PALLD: variants seen among roughly 807,000 people sequenced by gnomAD.
The protein encoded by PALLD is palladin, cytoskeletal associated protein.
PALLD carries 61 observed loss-of-function variants against 123.5 expected under a neutral mutation model. That is an observed-to-expected ratio of 0.49 (90% CI 0.40 to 0.61). The LOEUF (loss-of-function observed/expected upper bound fraction) is 0.61, where lower values mean the gene tolerates loss of function less well. Among genes scored for constraint, PALLD ranks in the 20% least tolerant of loss-of-function variants. PALLD has a pLI of 0.00. For synonymous variants in PALLD, 465 were observed against 496.4 expected (o/e 0.94, Z 0.84); for missense variants, 1,273 against 1,377.0 (o/e 0.92, Z 1.20).
At chr4:168,827,209 T>C (rs1409380109) in intron 10 of PALLD, among the ~76,000 whole-genome samples, 1 of 152,236 alleles carries the variant, frequency 6.6e-6, no homozygotes, top group Non-Finnish European at 1.5e-5. Context: ...AGCCATAAAG[T>C]TATCTTTACC....
At chr4:168,855,089 CTTTTTT>C (rs11338063) in intron 10 of PALLD, among the ~76,000 whole-genome samples, 9 of 103,992 alleles carry the variant, frequency 8.7e-5, no homozygotes, top group Non-Finnish European at 1.5e-4. Flanking sequence ...AAGGAATGTT[CTTTTTT>C]TTTTTTTTTT....
intron 10 of PALLD, among the ~76,000 whole-genome samples, chr4:168,834,807 T>C (rs940856550): frequency 1.3e-5 from 2 of 152,238 alleles, no homozygotes; most frequent in African/African-American, 4.8e-5. Flanking sequence ...TCTATTGTCT[T>C]AAGCCTTTAA....
At chr4:168,514,419 G>A (rs1043687001) in intron 2 of PALLD, among the ~76,000 whole-genome samples, 30 of 152,080 alleles carry the variant, frequency 2.0e-4, no homozygotes, top group African/African-American at 7.0e-4. Flanking sequence ...AATTCACTTT[G>A]AGTCAGCTTT....
chr4:168,910,633 T>A (rs1003769646), intron 15 of PALLD, among the ~76,000 whole-genome samples: 2 of 152,182 alleles, frequency 1.3e-5, no homozygotes, highest in African/African-American at 4.8e-5. Context: ...TTTACAAGTA[T>A]TAATGCCTTT....
intron 2 of PALLD, chr4:168,647,811 A>G (rs1192906077): frequency 1.3e-5 from 2 of 149,826 alleles, no homozygotes; most frequent in East Asian, 2.0e-4. Context: ...AAGAAGTGGC[A>G]TGCATATTTA....
chr4:168,649,761 A>G (rs1364580695), intron 2 of PALLD, among the ~76,000 whole-genome samples: 2 of 152,268 alleles, frequency 1.3e-5, no homozygotes, highest in South Asian at 2.1e-4. Context: ...CTCTTTTCCT[A>G]CAACATAATG....
intron 21 of PALLD, among the ~76,000 whole-genome samples, chr4:168,925,714 A>T (rs1762453716): frequency 1.3e-5 from 2 of 152,206 alleles, no homozygotes; most frequent in Non-Finnish European, 2.9e-5. Flanking sequence ...TTAAGAATTT[A>T]TTTAAGAATT....
At chr4:168,668,062 A>ACTG in intron 2 of PALLD, 128 bp from the exon 3 acceptor site, 1 of 754,606 alleles carries the variant, frequency 1.3e-6, no homozygotes, top group African/African-American at 1.7e-5. Flanking sequence ...TAACACTGAC[A>ACTG]TTGTTTTTTT....
chr4:168,759,078 C>A (rs1732312851), intron 10 of PALLD, among the ~76,000 whole-genome samples: 1 of 147,866 alleles, frequency 6.8e-6, no homozygotes, highest in African/African-American at 2.5e-5. Context: ...ACTCAGGAGG[C>A]TGAGGCAGGA....
chr4:168,567,406 AC>A (rs1768503697), intron 2 of PALLD, among the ~76,000 whole-genome samples: 1 of 151,940 alleles, frequency 6.6e-6, no homozygotes, highest in Non-Finnish European at 1.5e-5. Flanking sequence ...TGGCCAAAAA[AC>A]ATATGAAAAA....
intron 6 of PALLD, among the ~76,000 whole-genome samples, chr4:168,686,113 A>T (rs560755122): frequency 6.6e-6 from 1 of 152,260 alleles, no homozygotes; most frequent in East Asian, 1.9e-4. Context: ...ATGCTTGCAG[A>T]CTAATAGACC....
At chr4:168,636,312 A>G (rs1010237945) in intron 2 of PALLD, among the ~76,000 whole-genome samples, 6 of 152,130 alleles carry the variant, frequency 3.9e-5, no homozygotes, top group Non-Finnish European at 7.4e-5. Flanking sequence ...ACATAGTGAG[A>G]CCCCATCCCT....
At chr4:168,856,045 A>G (rs1748560328) in intron 10 of PALLD, among the ~76,000 whole-genome samples, 1 of 152,068 alleles carries the variant, frequency 6.6e-6, no homozygotes, top group Non-Finnish European at 1.5e-5. Flanking sequence ...TGTCGTTCCC[A>G]TCTTCATGTT....
chr4:168,499,159 GC>G (rs1761057673), intron 1 of PALLD, among the ~76,000 whole-genome samples: 1 of 109,698 alleles, frequency 9.1e-6, no homozygotes, highest in Non-Finnish European at 1.8e-5. Flanking sequence ...TTTGACTTTT[GC>G]CCTAAAGGAC....
intron 10 of PALLD, among the ~76,000 whole-genome samples, chr4:168,745,355 T>C (rs1730123220): frequency 1.4e-5 from 2 of 146,774 alleles, no homozygotes; most frequent in African/African-American, 2.5e-5. Flanking sequence ...TAATACTTCA[T>C]TGGGTACCCC....
intron 9 of PALLD, among the ~76,000 whole-genome samples, chr4:168,709,566 GGAAGGAAGGAAGGAAGGAAGGA>G (rs1581086897): frequency 0.012 from 8 of 688 alleles, no homozygotes; most frequent in East Asian, 0.062. Flanking sequence ...AAGGAAGGAA[GGAAGGAAGGAAGGAAGGAAGGA>G]AGGGAGGGAG....
intron 2 of PALLD, among the ~76,000 whole-genome samples, chr4:168,549,963 C>G (rs185717118): frequency 3.6e-4 from 55 of 152,310 alleles, no homozygotes; most frequent in African/African-American, 1.3e-3. Context: ...ATTATTTACA[C>G]TTTCATCCAT....
chr4:168,911,799 C>G (rs1271051497), intron 15 of PALLD, among the ~76,000 whole-genome samples: 2 of 152,142 alleles, frequency 1.3e-5, no homozygotes, highest in Non-Finnish European at 2.9e-5. Context: ...TAATGTTAGA[C>G]TTCATGTCTC....
At chr4:168,551,632 T>C (rs564844078) in intron 2 of PALLD, among the ~76,000 whole-genome samples, 1 of 152,238 alleles carries the variant, frequency 6.6e-6, no homozygotes, top group African/African-American at 2.4e-5. Flanking sequence ...GACAATAGTT[T>C]AGAATAAAAA....
Sources: gnomAD v4.1 joint callset for allele counts (sites outside exome capture counted in the v4.1 genomes callset) on GRCh38, gnomAD v4.1.1 for gene constraint, MANE v1.5 for transcripts, NCBI Gene and HGNC (gene_info 2026-07-23, HGNC 2026-07-21) for gene names.